IQGAP2: variants seen among roughly 807,000 people sequenced by gnomAD.
IQGAP2 encodes IQ motif containing GTPase activating protein 2.
A neutral mutation model predicts 201.3 loss-of-function variants in IQGAP2; 173 were observed. The observed-to-expected ratio is 0.86, with a 90% CI of 0.76 to 0.98. The LOEUF (loss-of-function observed/expected upper bound fraction) is 0.98, where lower values mean the gene tolerates loss of function less well. Ranked by LOEUF, IQGAP2 falls within the 50% of genes least tolerant of loss-of-function variation. The probability of loss-of-function intolerance (pLI) is 0.00; values close to 1 mark genes in which losing one functional copy is unlikely to be tolerated. For missense variants in IQGAP2, 1,687 were observed against 1,864.8 expected, an observed-to-expected ratio of 0.90 and a Z score of 1.76; for synonymous variants, 675 against 673.9, an observed-to-expected ratio of 1.00 and a Z score of -0.03.
At chr5:76,551,377 G>A (rs1030945240) in intron 2 of IQGAP2, among the ~76,000 whole-genome samples, 3 of 148,880 alleles carry the variant, frequency 2.0e-5, no homozygotes, top group African/African-American at 7.6e-5. Context: ...CAGACTGGGC[G>A]GCCGGGCAGA....
At chr5:76,595,768 A>G (rs866915866) in intron 9 of IQGAP2, among the ~76,000 whole-genome samples, 29 of 144,292 alleles carry the variant, frequency 2.0e-4, no homozygotes, top group African/African-American at 6.0e-4. Flanking sequence ...CAAAAAAAGA[A>G]AGAGAGAGAG....
chr5:76,478,138 G>T (rs1476666601), intron 2 of IQGAP2, among the ~76,000 whole-genome samples: 1 of 152,108 alleles, frequency 6.6e-6, no homozygotes, highest in Non-Finnish European at 1.5e-5. Context: ...GGTGGCTCAC[G>T]CCTGTAATCC....
intron 2 of IQGAP2, among the ~76,000 whole-genome samples, chr5:76,551,710 C>G (rs1028864156): frequency 1.6e-4 from 25 of 152,062 alleles, no homozygotes; most frequent in African/African-American, 5.8e-4. Flanking sequence ...AAAAACCAGT[C>G]AGGCGTGGCT....
At chr5:76,504,940 C>T (rs1483676951) in intron 2 of IQGAP2, among the ~76,000 whole-genome samples, 1 of 152,178 alleles carries the variant, frequency 6.6e-6, no homozygotes, top group Non-Finnish European at 1.5e-5. Context: ...GGACCCTCCT[C>T]CCCTTAGAGG....
At chr5:76,532,474 G>A (rs1250100004) in intron 2 of IQGAP2, among the ~76,000 whole-genome samples, 1 of 146,330 alleles carries the variant, frequency 6.8e-6, no homozygotes, top group African/African-American at 2.5e-5. Flanking sequence ...GCTTTCCTGA[G>A]GATTGGGTGG....
At chr5:76,522,429 C>T (rs890592054) in intron 2 of IQGAP2, among the ~76,000 whole-genome samples, 2 of 152,096 alleles carry the variant, frequency 1.3e-5, no homozygotes, top group African/African-American at 4.8e-5. Context: ...GTGATCCACC[C>T]ACCTCGGCCT....
At chr5:76,569,467 G>A (rs895778361) in intron 3 of IQGAP2, among the ~76,000 whole-genome samples, 1 of 151,952 alleles carries the variant, frequency 6.6e-6, no homozygotes, top group African/African-American at 2.4e-5. Context: ...TACCTTTCAG[G>A]GTGTTTTGAA....
intron 13 of IQGAP2, among the ~76,000 whole-genome samples, chr5:76,619,707 A>G (rs1312483654): frequency 6.6e-6 from 1 of 151,732 alleles, no homozygotes; most frequent in Non-Finnish European, 1.5e-5. Flanking sequence ...TTTAGTAGAG[A>G]CAGGGTTTCA....
chr5:76,434,408 A>G lies in IQGAP2; in HGVS notation c.47-27162A>G, dbSNP rs576486531. On this transcript the variant is annotated intron_variant, in intron 1 of 35. Coordinates refer to ENST00000274364, the MANE Select transcript of IQGAP2 (RefSeq NM_006633.5). Reference sequence around the variant, plus strand: ...ACTCTGTATGCCTTTGCATACCCATAGCTTAGCTCCCAGTTATAAGTGAGA... The same window carrying G: ...ACTCTGTATGCCTTTGCATACCCATGGCTTAGCTCCCAGTTATAAGTGAGA... 4.7e-4 allele frequency among the ~76,000 whole-genome samples: 72 copies of G among 152,208 alleles called. 1 individual carries two copies. The South Asian group carries it at 6.0e-3, about 13-fold the overall frequency.
intron 22 of IQGAP2, among the ~76,000 whole-genome samples, chr5:76,667,527 G>A (rs1481719927): frequency 6.6e-6 from 1 of 152,186 alleles, no homozygotes; most frequent in Non-Finnish European, 1.5e-5. Flanking sequence ...CCTGGTAGGT[G>A]TAGCTGCTGG....
intron 15 of IQGAP2, among the ~76,000 whole-genome samples, chr5:76,636,534 G>A (rs1268985161): frequency 6.6e-6 from 1 of 152,198 alleles, no homozygotes; most frequent in East Asian, 1.9e-4. Flanking sequence ...ATGCCATTTT[G>A]TACTTTGAGT....
intron 3 of IQGAP2, among the ~76,000 whole-genome samples, chr5:76,565,235 C>G (rs1187347265): frequency 6.6e-6 from 1 of 152,162 alleles, no homozygotes; most frequent in Admixed American, 6.5e-5. Flanking sequence ...AGGGAACGCT[C>G]AATAACCCAG....
chr5:76,618,362 G>A (rs758161005), intron 13 of IQGAP2: 3 of 1,614,018 alleles, frequency 1.9e-6, no homozygotes, highest in African/African-American at 1.3e-5. Flanking sequence ...GCATCCACAG[G>A]GTCACAGCAT....
At chr5:76,460,133 C>G (rs1754349940) in intron 1 of IQGAP2, among the ~76,000 whole-genome samples, 2 of 152,042 alleles carry the variant, frequency 1.3e-5, no homozygotes, top group South Asian at 4.1e-4. Context: ...GACAGACAGA[C>G]TGATTTACAG....
rs1414905610 is a variant in IQGAP2 at position 76,404,582 on chromosome 5, G to A, written c.46+991G>A. On this transcript the variant is annotated intron_variant, in intron 1 of 35. Transcript: ENST00000274364. ...ATACCTTCAGCAGGGTGTTTTGTTT[G>A]TGTGTGTGTGTGGTTTTGGATGGTG... 8.0e-6 allele frequency: 5 copies of A among 628,450 alleles called. No homozygotes were observed. The South Asian group carries it at 2.8e-4, about 36-fold the overall frequency. The allele number at this position is 628,450 out of a possible 1,614,324, so 38.9% of individuals were successfully genotyped here. A position where few individuals can be genotyped will look rare whatever the true frequency, so the allele number is the denominator to read the frequency against.
intron 13 of IQGAP2, chr5:76,623,095 C>G: frequency 7.0e-7 from 1 of 1,420,984 alleles, no homozygotes; most frequent in Non-Finnish European, 9.9e-7. Flanking sequence ...GCAAAGAAAC[C>G]TAGGTTCAGT....
intron 2 of IQGAP2, among the ~76,000 whole-genome samples, chr5:76,497,070 C>T (rs965007376): frequency 2.0e-5 from 3 of 152,092 alleles, no homozygotes. Flanking sequence ...CCTCATGATC[C>T]ACCCACCTCA....
At chr5:76,493,222 C>A (rs541659759) in intron 2 of IQGAP2, among the ~76,000 whole-genome samples, 3 of 152,070 alleles carry the variant, frequency 2.0e-5, no homozygotes, top group African/African-American at 7.2e-5. Flanking sequence ...CGGTGGCTCT[C>A]GTCGCACCCA....
At chr5:76,569,261 C>A (rs544323688) in intron 3 of IQGAP2, among the ~76,000 whole-genome samples, 10 of 152,266 alleles carry the variant, frequency 6.6e-5, no homozygotes, top group African/African-American at 2.2e-4. Flanking sequence ...AACTACTTGA[C>A]TTTAGGCAAA....
Sources: gnomAD v4.1 joint callset for allele counts (sites outside exome capture counted in the v4.1 genomes callset) on GRCh38, gnomAD v4.1.1 for gene constraint, MANE v1.5 for transcripts, NCBI Gene and HGNC (gene_info 2026-07-23, HGNC 2026-07-21) for gene names.